The following DHX34 variants were observed in gnomAD, a reference collection of about 807,000 sequenced individuals.
DHX34 encodes DExH-box helicase 34.
DHX34 carries 96 observed loss-of-function variants against 111.1 expected under a neutral mutation model. That is an observed-to-expected ratio of 0.86 (90% CI 0.73 to 1.02). The LOEUF is 1.02. Among genes scored for constraint, DHX34 ranks in the 50% least tolerant of loss-of-function variants. DHX34 has a pLI of 0.00. For missense variants in DHX34, 1,560 were observed against 1,579.9 expected, an observed-to-expected ratio of 0.99 and a Z score of 0.21; for synonymous variants, 688 against 670.4, an observed-to-expected ratio of 1.03 and a Z score of -0.41.
rs144033683 is a variant in DHX34, at chr19:47,353,698, G to A, written c.668G>A (p.Arg223His). ...ATCGCCTGCATCTCACTGGCCAAGC[G>A]TGTGGGCTTTGAGAGCCTCAGTCAG... Reference protein sequence around the residue: ...RRIACISLAKRVGFESLSQYG... With the variant: ...RRIACISLAKHVGFESLSQYG... The change falls in exon 2 of 17, where the codon CGT (arginine) becomes CAT (histidine). Residue 223 changes from arginine to histidine, a missense_variant. By Grantham distance (29) the Arg-to-His change is conservative. Transcript: ENST00000328771. The surrounding 1 kb of genome is among the most constrained non-coding windows in gnomAD (Gnocchi z 4.6). The A allele has an allele frequency of 1.6e-5, 25 of 1,607,922 alleles. No homozygotes were observed. The highest frequency in any genetic ancestry group is 8.4e-5 in the Admixed American group (5 of 59,716).
chr19:47,382,200 G>C lies in DHX34; in HGVS notation c.*87G>C. 1 of 1,554,380 alleles carries C rather than the reference G, an allele frequency of 6.4e-7. No individual in the cohort carries two copies. The highest frequency in any genetic ancestry group is 2.0e-5 in the Admixed American group (1 of 49,422). On this transcript the variant is annotated 3_prime_UTR_variant, in exon 17 of 17. Transcript: ENST00000328771. The stretch of plus-strand genomic sequence containing the variant: ...GGCAGGACTCTTGCCTGAACCCCCA[G>C]CCTGGGCTTAGCCCTGTGGTCCTGT...
intron 14 of DHX34, among the ~76,000 whole-genome samples, chr19:47,380,396 A>T (rs914645896): frequency 2.0e-5 from 3 of 151,894 alleles, no homozygotes; most frequent in Non-Finnish European, 4.4e-5. Flanking sequence ...GTTCTACTTC[A>T]TGTGGGTGGG....
rs1021126924 is a variant in DHX34 at position 47,351,384 on chromosome 19, C to G, written c.-277-1370C>G. On this transcript the variant is annotated intron_variant, in intron 1 of 16. Transcript: ENST00000328771. ...TTTTTCTCCAGCCTGGGTGACAGAG[C>G]AAGACTCCATCTCAAAACAAAAAAG... Among the ~76,000 whole-genome samples the G allele has an allele frequency of 3.8e-4, 57 of 151,240 alleles. 1 individual carries two copies. Among genetic ancestry groups the G allele is most frequent in the Non-Finnish European group, 7.4e-5 (5 of 67,802 alleles).
chr19:47,351,163 TTC>T (rs1969272014), intron 1 of DHX34, among the ~76,000 whole-genome samples: 2 of 144,106 alleles, frequency 1.4e-5, no homozygotes, highest in South Asian at 4.3e-4. Context: ...TGCTCTCATT[TTC>T]TTTTTCTTTT....
Position 47,377,185 on chromosome 19 carries a change from C to T in DHX34, c.2685C>T (p.Cys895=), listed in dbSNP as rs754435713. The T allele has an allele frequency of 6.8e-6, 11 of 1,613,618 alleles. No homozygotes were observed. Among genetic ancestry groups the T allele is most frequent in the Middle Eastern group, 3.3e-4 (2 of 6,084 alleles). Residue 895 remains cysteine (C), a synonymous_variant, in exon 13 of 17, where the codon TGC becomes TGT. Coordinates refer to ENST00000328771, the MANE Select transcript of DHX34 (RefSeq NM_014681.6). The part of the protein sequence containing the change: ...LETNKPYLVN[C]VRIPALQSLL... The stretch of plus-strand genomic sequence containing the variant: ...CCAACAAGCCGTACCTGGTGAACTG[C>T]GTCCGCATCCCTGCCCTCCAGGTGG...
chr19:47,359,680 G>T (rs913482875), intron 4 of DHX34, among the ~76,000 whole-genome samples: 2 of 152,092 alleles, frequency 1.3e-5, no homozygotes, highest in Non-Finnish European at 2.9e-5. Context: ...TGCTCGGGAG[G>T]CTGAGGCAAG....
rs1234147709 is a variant in DHX34, at chr19:47,353,473, C to T, written c.443C>T (p.Ala148Val). The change falls in exon 2 of 17, where the codon GCA (alanine) becomes GTA (valine). Residue 148 changes from alanine to valine, a missense_variant. Physicochemically the swap from Ala to Val is moderately conservative, Grantham distance 64 (BLOSUM62 0). Transcript: ENST00000328771. The surrounding 1 kb of genome is among the most constrained non-coding windows in gnomAD (Gnocchi z 4.6). ...TACCTGGACTTTGGCCAGAAGCAGGCATTTGGGCGTCTGGCCAAGCTGCAG... is the reference window on the plus strand; with the variant it reads ...TACCTGGACTTTGGCCAGAAGCAGGTATTTGGGCGTCTGGCCAAGCTGCAG... ...LHYLDFGQKQ[A>V]FGRLAKLQRE... 1 of 1,614,116 alleles carries T rather than the reference C, an allele frequency of 6.2e-7. No individual in the cohort carries two copies. The highest frequency in any genetic ancestry group is 8.5e-7 in the Non-Finnish European group (1 of 1,180,030).
At chr19:47,354,985 G>C (rs1437944641) in intron 2 of DHX34, 54 bp from the exon 3 acceptor site, 1 of 1,588,366 alleles carries the variant, frequency 6.3e-7, no homozygotes, top group East Asian at 2.2e-5. Flanking sequence ...CAGGGCCAGG[G>C]GCTGGTACCC....
intron 7 of DHX34, 72 bp from the exon 8 acceptor site, chr19:47,372,658 T>G (rs74467710): frequency 2.0e-6 from 3 of 1,469,230 alleles, no homozygotes; most frequent in South Asian, 1.4e-5. Flanking sequence ...GAGGGCAGGC[T>G]GGGGCCCCGA....
Position 47,349,315 on chromosome 19 carries a change from G to C in DHX34, c.-315G>C, listed in dbSNP as rs527963747. On this transcript the variant is annotated 5_prime_UTR_variant, in exon 1 of 17. Coordinates refer to ENST00000328771, the MANE Select transcript of DHX34 (RefSeq NM_014681.6). ...CTGTGTGCGCAGGCGCAAGACTAGC[G>C]CTCTTGGGACCGGAAGTTAAGGCGT... The C allele has an allele frequency of 1.3e-5, 2 of 152,634 alleles. No individual in the cohort carries two copies. The highest frequency in any genetic ancestry group is 2.4e-5 in the African/African-American group (1 of 41,472). 9.5% of individuals were successfully genotyped at this position (152,634 alleles called of 1,614,324 possible). A position where few individuals can be genotyped will look rare whatever the true frequency, so the allele number is the denominator to read the frequency against.
chr19:47,379,139 TAAATTAATAATAA>T (rs1568408107), intron 13 of DHX34, among the ~76,000 whole-genome samples: 2 of 148,034 alleles, frequency 1.4e-5, no homozygotes, highest in African/African-American at 5.0e-5. Flanking sequence ...AATAAATAAA[TAAATTAATAATAA>T]TAATAATAAG....
intron 9 of DHX34, 87 bp downstream of exon 9, chr19:47,373,787 C>A: frequency 6.7e-7 from 1 of 1,496,882 alleles, no homozygotes; most frequent in Non-Finnish European, 9.0e-7. Flanking sequence ...CCTTCCCAGA[C>A]AGTGGTCAGA....
At chr19:47,364,760 G>A (rs182798970) in intron 6 of DHX34, among the ~76,000 whole-genome samples, 1 of 152,158 alleles carries the variant, frequency 6.6e-6, no homozygotes, top group East Asian at 1.9e-4. Context: ...AGTCCATGGG[G>A]TAGGTAGTCT....
intron 4 of DHX34, 175 bp from the exon 5 acceptor site, chr19:47,359,793 G>A: frequency 1.0e-6 from 1 of 959,832 alleles, no homozygotes; most frequent in Non-Finnish European, 1.2e-6. Flanking sequence ...GGGTGGGGGA[G>A]GGCCCAGGAT....
In DHX34 at chr19:47,380,992, G is replaced by A. The variant is rs529752758; in HGVS notation, c.3159G>A (p.Thr1053=). Residue 1053 remains threonine (T), a splice_region_variant and synonymous_variant, in exon 15 of 17, where the codon ACG becomes ACA. Transcript: ENST00000328771. Reference sequence around the variant, plus strand: ...ACTTCCTCACCTACAACTGCCTCACGGTAAGCATGAACCCTCCTTCCCTGA... The same window carrying A: ...ACTTCCTCACCTACAACTGCCTCACAGTAAGCATGAACCCTCCTTCCCTGA... ...VTDFLTYNCL[T]NDTDLYSDCL... The A allele has an allele frequency of 3.9e-5, 61 of 1,570,808 alleles. 1 individual carries two copies. The South Asian group carries it at 4.0e-4, about 10-fold the overall frequency.
At chr19:47,371,449 C>A (rs139869100) in intron 7 of DHX34, among the ~76,000 whole-genome samples, 1 of 152,158 alleles carries the variant, frequency 6.6e-6, no homozygotes, top group African/African-American at 2.4e-5. Flanking sequence ...GTTGTTCCCC[C>A]GTTTACAGAT....
At position 47,358,172 on chromosome 19, in the gene DHX34, G is replaced by C. The variant is rs769987611; in HGVS notation, c.1272+52G>C. 5.1e-6 allele frequency: 8 copies of C among 1,573,978 alleles called. No individual in the cohort carries two copies. The Admixed American group carries it at 1.2e-4, about 24-fold the overall frequency. On this transcript the variant is annotated intron_variant, in intron 4 of 16. Transcript: ENST00000328771. ...GGCGGGGGGTCTGCATGAGTCAGGG[G>C]TGGCTGCGCACAGGACTTGTGTAAC...
At chr19:47,358,184 A>C (rs1293871464) in intron 4 of DHX34, 64 bp downstream of exon 4, 1 of 1,552,234 alleles carries the variant, frequency 6.4e-7, no homozygotes, top group Admixed American at 1.8e-5. Context: ...GGCTGCGCAC[A>C]GGACTTGTGT....
intron 11 of DHX34, 129 bp from the exon 12 acceptor site, chr19:47,376,314 C>A: frequency 1.3e-6 from 2 of 1,522,090 alleles, no homozygotes; most frequent in Non-Finnish European, 1.8e-6. Flanking sequence ...GGGGCATCTG[C>A]CCCAGATTTG....
Sources: allele counts gnomAD v4.1 joint callset (sites outside exome capture counted in the v4.1 genomes callset), GRCh38; gene constraint gnomAD v4.1.1; non-coding constraint Gnocchi (gnomAD v3.1); transcripts MANE v1.5; gene names NCBI Gene and HGNC (gene_info 2026-07-23, HGNC 2026-07-21).